ZNF462: variants seen among roughly 807,000 people sequenced by gnomAD.
ZNF462 encodes zinc finger protein 462.
Under a neutral mutation model 201.9 loss-of-function variants are expected in ZNF462, and 10 were observed. That is an observed-to-expected ratio of 0.05 (90% CI 0.03 to 0.08). The LOEUF (loss-of-function observed/expected upper bound fraction) is 0.08. Among genes scored for constraint, ZNF462 ranks in the 10% least tolerant of loss-of-function variants. The pLI, the probability that ZNF462 is intolerant of heterozygous loss-of-function variation, is 1.00. For missense variants in ZNF462, 2,523 were observed against 3,168.3 expected (o/e 0.80, Z 4.89); for synonymous variants, 1,227 against 1,193.3 (o/e 1.03, Z -0.58).
Position 106,918,616 on chromosome 9 carries a change from CT to C in ZNF462, c.-30-4733del, listed in dbSNP as rs542136413. Among the ~76,000 whole-genome samples the C allele has an allele frequency of 3.1e-3, 477 of 152,206 alleles. 1 individual carries two copies. The highest frequency in any genetic ancestry group is 0.011 in the African/African-American group (452 of 41,528). ...CCAACATTTATAAGTTTACTAGTGC[CT>C]TTTTAAAAAAAATCATTTTTCATCT... On this transcript the variant is annotated intron_variant, in intron 1 of 12. Transcript: ENST00000277225.
Position 106,917,844 on chromosome 9 carries a change from T to TTA in ZNF462, c.-30-5509_-30-5508insAT, listed in dbSNP as rs1829835539. Among the ~76,000 whole-genome samples, 4 of 149,022 alleles carry TTA rather than the reference T, an allele frequency of 2.7e-5. No individual in the cohort carries two copies. The South Asian group carries it at 6.4e-4, about 24-fold the overall frequency. ...GGTTTATTTTGCTGGTTTATTATTTTTTTATATTTATTTATTTATTTATTT... is the reference window on the plus strand; with the variant it reads ...GGTTTATTTTGCTGGTTTATTATTTTTATTTATATTTATTTATTTATTTATTT... On this transcript the variant is annotated intron_variant, in intron 1 of 12. Transcript: ENST00000277225. The surrounding 1 kb of genome is among the most constrained non-coding windows in gnomAD (Gnocchi z 4.5).
intron 7 of ZNF462, among the ~76,000 whole-genome samples, chr9:106,952,328 C>G (rs1290549094): frequency 6.6e-6 from 1 of 152,150 alleles, no homozygotes; most frequent in African/African-American, 2.4e-5. Context: ...GAAGTACTTT[C>G]ATATTCTAAA....
At chr9:106,881,845 C>G (rs1828111390) in intron 1 of ZNF462, among the ~76,000 whole-genome samples, 1 of 152,202 alleles carries the variant, frequency 6.6e-6, no homozygotes, top group Non-Finnish European at 1.5e-5. Flanking sequence ...ACCTTACCCT[C>G]TGTTTGTGCT....
intron 1 of ZNF462, among the ~76,000 whole-genome samples, chr9:106,875,170 C>T (rs1827774356): frequency 1.3e-5 from 2 of 152,178 alleles, no homozygotes; most frequent in African/African-American, 4.8e-5. Context: ...TTCTTCCCCT[C>T]TTGCCCCCTT....
intron 1 of ZNF462, among the ~76,000 whole-genome samples, chr9:106,891,357 C>T (rs1373955176): frequency 2.0e-5 from 3 of 152,062 alleles, no homozygotes; most frequent in South Asian, 2.1e-4. Context: ...CCTGAGTTAT[C>T]TGTGTCCTCT....
chr9:106,862,386 G>A (rs1827094520), upstream of ZNF462, among the ~76,000 whole-genome samples: 2 of 152,110 alleles, frequency 1.3e-5, no homozygotes, highest in South Asian at 4.2e-4. This position sits in a 1 kb window ranked among gnomAD's most constrained non-coding sequence, Gnocchi z 4.2. Context: ...GCCGGGCAGG[G>A]TCCTCACCGG....
chr9:106,922,794 C>T (rs987680712), intron 1 of ZNF462, among the ~76,000 whole-genome samples: 2 of 152,086 alleles, frequency 1.3e-5, no homozygotes, highest in Non-Finnish European at 2.9e-5. Context: ...CCAATATCAG[C>T]AAAGTTATTA....
rs575207359 is a variant in ZNF462 at position 106,929,549 on chromosome 9, C to G, written c.5637C>G (p.Ile1879Met). 2 of 1,614,174 alleles carry G rather than the reference C, an allele frequency of 1.2e-6. No homozygotes were observed. Among genetic ancestry groups the G allele is most frequent in the African/African-American group, 2.7e-5 (2 of 75,050 alleles). ...GTCGGGACCTAAAGAGGGACTTCAT[C>G]ATTCTGGGCAACGGCCCCCGCTTGC... ...HHSRDLKRDF[I>M]ILGNGPRLQN... Residue 1879 changes from isoleucine to methionine, a missense_variant, in exon 3 of 13, where the codon ATC becomes ATG. Physicochemically the swap from Ile to Met is conservative, Grantham distance 10. Coordinates refer to ENST00000277225, the MANE Select transcript of ZNF462 (RefSeq NM_021224.6). The surrounding 1 kb of genome is among the most constrained non-coding windows in gnomAD (Gnocchi z 8.7).
intron 7 of ZNF462, among the ~76,000 whole-genome samples, chr9:106,945,661 G>C (rs1160777386): frequency 1.3e-5 from 2 of 152,118 alleles, no homozygotes; most frequent in Non-Finnish European, 2.9e-5. Context: ...AAAATTATCT[G>C]ACCAGATACT....
At chr9:106,961,275 T>C (rs1260880424) in intron 7 of ZNF462, among the ~76,000 whole-genome samples, 4 of 152,114 alleles carry the variant, frequency 2.6e-5, no homozygotes, top group Non-Finnish European at 5.9e-5. Flanking sequence ...ATAGCTGATT[T>C]AGGGGCAAGA....
intron 10 of ZNF462, among the ~76,000 whole-genome samples, chr9:106,987,611 T>C (rs1827951892): frequency 1.3e-5 from 2 of 152,166 alleles, no homozygotes; most frequent in Admixed American, 6.6e-5. Flanking sequence ...ACTCTGTGGG[T>C]TGTCTGTTTA....
intron 8 of ZNF462, among the ~76,000 whole-genome samples, chr9:106,973,276 G>T (rs558818143): frequency 6.6e-6 from 1 of 151,700 alleles, no homozygotes; most frequent in Admixed American, 6.6e-5. Context: ...GCTTCACACC[G>T]AGAGGCTGTG....
At position 106,954,483 on chromosome 9, in the gene ZNF462, A is replaced by G. The variant is rs1831488568; in HGVS notation, c.6427+15376A>G. Reference sequence around the variant, plus strand: ...AGATGAGATTTGGGTGGGGACACAGAACCAAACCATATCAGCCTGTTTAAA... The same window carrying G: ...AGATGAGATTTGGGTGGGGACACAGGACCAAACCATATCAGCCTGTTTAAA... On this transcript the variant is annotated intron_variant, in intron 7 of 12. Coordinates refer to ENST00000277225, the MANE Select transcript of ZNF462 (RefSeq NM_021224.6). This position sits in a 1 kb window ranked among gnomAD's most constrained non-coding sequence, Gnocchi z 4.0. Among the ~76,000 whole-genome samples the G allele has an allele frequency of 6.6e-6, 1 of 151,966 alleles. No individual in the cohort carries two copies. The highest frequency in any genetic ancestry group is 1.5e-5 in the Non-Finnish European group (1 of 67,986).
chr9:106,956,587 C>G (rs997086734), intron 7 of ZNF462, among the ~76,000 whole-genome samples: 1 of 151,892 alleles, frequency 6.6e-6, no homozygotes, highest in East Asian at 1.9e-4. Flanking sequence ...TATTAACTTC[C>G]CCTTAGCTGT....
Position 107,003,573 on chromosome 9 carries a change from T to C in ZNF462, c.7189+147T>C. 1 of 1,020,558 alleles carries C rather than the reference T, an allele frequency of 9.8e-7. No homozygotes were observed. Among genetic ancestry groups the C allele is most frequent in the East Asian group, 2.9e-5 (1 of 34,570 alleles). 63.2% of individuals were successfully genotyped at this position (1,020,558 alleles called of 1,614,324 possible). On this transcript the variant is annotated intron_variant, in intron 11 of 12. Transcript: ENST00000277225. The surrounding 1 kb of genome is among the most constrained non-coding windows in gnomAD (Gnocchi z 4.4). ...AGAACAGACTGACTTAGAAAACACATCAAGAGCTGTGTCTTTGTAAACTAT... is the reference window on the plus strand; with the variant it reads ...AGAACAGACTGACTTAGAAAACACACCAAGAGCTGTGTCTTTGTAAACTAT...
At chr9:106,949,372 GA>G (rs1831243038) in intron 7 of ZNF462, among the ~76,000 whole-genome samples, 1 of 152,174 alleles carries the variant, frequency 6.6e-6, no homozygotes, top group African/African-American at 2.4e-5. Context: ...GGAAAGCCAA[GA>G]GAACAATTTA....
In ZNF462 at chr9:106,963,263, T is replaced by G. The variant is rs1411235847; in HGVS notation, c.6428-8742T>G. Among the ~76,000 whole-genome samples, 1 of 152,096 alleles carries G rather than the reference T, an allele frequency of 6.6e-6. No homozygotes were observed. Among genetic ancestry groups the G allele is most frequent in the African/African-American group, 2.4e-5 (1 of 41,440 alleles). The stretch of plus-strand genomic sequence containing the variant: ...GAATTCGGATAGAACCGAGAACAAT[T>G]TTTTAAATCAGCAGACTTCTTGAGT... On this transcript the variant is annotated intron_variant, in intron 7 of 12. Transcript: ENST00000277225. The surrounding 1 kb of genome is among the most constrained non-coding windows in gnomAD (Gnocchi z 4.7).
At chr9:106,990,522 A>G (rs927081168) in intron 10 of ZNF462, among the ~76,000 whole-genome samples, 2 of 152,024 alleles carry the variant, frequency 1.3e-5, no homozygotes, top group Non-Finnish European at 2.9e-5. Flanking sequence ...GGAGTATTGA[A>G]GTCCCCCACT....
intron 7 of ZNF462, among the ~76,000 whole-genome samples, chr9:106,943,970 C>A (rs1361993756): frequency 1.3e-5 from 2 of 152,142 alleles, no homozygotes; most frequent in Non-Finnish European, 2.9e-5. Flanking sequence ...ATAAAAAAAT[C>A]TTCCTTGACA....
Sources: allele counts gnomAD v4.1 joint callset (sites outside exome capture counted in the v4.1 genomes callset), GRCh38; gene constraint gnomAD v4.1.1; non-coding constraint Gnocchi (gnomAD v3.1); transcripts MANE v1.5; gene names NCBI Gene and HGNC (gene_info 2026-07-23, HGNC 2026-07-21).